IGF2BP2: variants seen among roughly 807,000 people sequenced by gnomAD.
IGF2BP2 encodes insulin-like growth factor 2 mRNA-binding protein 2.
IGF2BP2 carries 17 observed loss-of-function variants against 75.8 expected under a neutral mutation model. That is an observed-to-expected ratio of 0.22 (90% CI 0.15 to 0.34). The LOEUF is 0.34. Ranked by LOEUF, IGF2BP2 falls within the 10% of genes least tolerant of loss-of-function variation. The probability of loss-of-function intolerance (pLI) is 1.00; values close to 1 mark genes in which losing one functional copy is unlikely to be tolerated. For synonymous variants in IGF2BP2, 288 were observed against 295.6 expected, an observed-to-expected ratio of 0.97 and a Z score of 0.26; for missense variants, 516 against 772.4, an observed-to-expected ratio of 0.67 and a Z score of 3.93.
intron 2 of IGF2BP2, among the ~76,000 whole-genome samples, chr3:185,750,241 C>A (rs1251577523): frequency 6.6e-6 from 1 of 152,180 alleles, no homozygotes; most frequent in African/African-American, 2.4e-5. Flanking sequence ...TGGGGAACAT[C>A]CCCTCCAAGG....
At chr3:185,761,652 CT>C (rs1474452505) in intron 2 of IGF2BP2, among the ~76,000 whole-genome samples, 4 of 152,210 alleles carry the variant, frequency 2.6e-5, no homozygotes, top group Admixed American at 1.3e-4. Flanking sequence ...AATTCCTCCC[CT>C]GATAGAGTTC....
At chr3:185,814,254 T>TA (rs1269358609) in intron 2 of IGF2BP2, among the ~76,000 whole-genome samples, 1 of 152,216 alleles carries the variant, frequency 6.6e-6, no homozygotes, top group African/African-American at 2.4e-5. Context: ...TTTTCAGTGT[T>TA]AAACTGCTTT....
chr3:185,751,731 G>T (rs1486375583), intron 2 of IGF2BP2, among the ~76,000 whole-genome samples: 1 of 152,038 alleles, frequency 6.6e-6, no homozygotes, highest in African/African-American at 2.4e-5. Flanking sequence ...TTGGGAGGCC[G>T]AGACGGGCGG....
chr3:185,719,376 T>C (rs1726154585), intron 2 of IGF2BP2, among the ~76,000 whole-genome samples: 1 of 152,238 alleles, frequency 6.6e-6, no homozygotes, highest in Non-Finnish European at 1.5e-5. Flanking sequence ...GCTAACAAGA[T>C]GGCTGTCACT....
chr3:185,673,147 CT>C (rs537345728), intron 9 of IGF2BP2, among the ~76,000 whole-genome samples: 72 of 152,338 alleles, frequency 4.7e-4, no homozygotes, highest in Middle Eastern at 6.8e-3. Context: ...CTCAAATGCC[CT>C]GTCTGTGCTC....
At chr3:185,734,322 G>A (rs578226248) in intron 2 of IGF2BP2, among the ~76,000 whole-genome samples, 1 of 152,310 alleles carries the variant, frequency 6.6e-6, no homozygotes, top group Admixed American at 6.5e-5. Flanking sequence ...CACACTCAGA[G>A]GTGAAGTGAC....
chr3:185,788,287 AG>A (rs1415528012), intron 2 of IGF2BP2, among the ~76,000 whole-genome samples: 2 of 152,126 alleles, frequency 1.3e-5, no homozygotes, highest in African/African-American at 2.4e-5. Context: ...TGGGAGGCCG[AG>A]GTGGGCTGAT....
chr3:185,798,819 T>C (rs1274553742), intron 2 of IGF2BP2, among the ~76,000 whole-genome samples: 2 of 150,794 alleles, frequency 1.3e-5, no homozygotes, highest in Non-Finnish European at 3.0e-5. Flanking sequence ...AGACAGAATC[T>C]TACTCTGTCA....
At chr3:185,699,846 C>T (rs1226695539) in intron 2 of IGF2BP2, among the ~76,000 whole-genome samples, 1 of 152,166 alleles carries the variant, frequency 6.6e-6, no homozygotes, top group African/African-American at 2.4e-5. Context: ...CCCAAGACAT[C>T]CTGCTGGTCT....
intron 10 of IGF2BP2, among the ~76,000 whole-genome samples, chr3:185,662,601 T>C (rs1251671730): frequency 1.4e-5 from 2 of 147,776 alleles, no homozygotes; most frequent in Non-Finnish European, 3.0e-5. Flanking sequence ...TGGAGTGCAG[T>C]GGCATGATCT....
chr3:185,701,367 TA>T (rs558141080), intron 2 of IGF2BP2, among the ~76,000 whole-genome samples: 92 of 117,072 alleles, frequency 7.9e-4, no homozygotes, highest in East Asian at 1.4e-3. Flanking sequence ...ACCTGCTAAG[TA>T]AAAAAAAAAA....
chr3:185,667,476 G>A (rs1039938151), intron 10 of IGF2BP2, among the ~76,000 whole-genome samples: 5 of 152,034 alleles, frequency 3.3e-5, no homozygotes, highest in African/African-American at 7.2e-5. Flanking sequence ...AACATAGCAC[G>A]GTCTCTTAAA....
At chr3:185,758,275 AG>A (rs1261143296) in intron 2 of IGF2BP2, among the ~76,000 whole-genome samples, 1 of 152,224 alleles carries the variant, frequency 6.6e-6, no homozygotes, top group Non-Finnish European at 1.5e-5. Flanking sequence ...ATGCCTGTCA[AG>A]CATCCAAAGT....
chr3:185,812,994 T>C (rs939706641), intron 2 of IGF2BP2, among the ~76,000 whole-genome samples: 2 of 152,206 alleles, frequency 1.3e-5, no homozygotes, highest in East Asian at 1.9e-4. Context: ...ATTATTGAAA[T>C]AGACACAACA....
chr3:185,823,132 A>C, intron 2 of IGF2BP2, 21 bp downstream of exon 2: 1 of 1,562,298 alleles, frequency 6.4e-7, no homozygotes, highest in East Asian at 2.3e-5. Flanking sequence ...GCAAAAAAAA[A>C]ACTAAGCAAA....
At chr3:185,779,922 T>C (rs1329629918) in intron 2 of IGF2BP2, among the ~76,000 whole-genome samples, 3 of 152,214 alleles carry the variant, frequency 2.0e-5, no homozygotes, top group Non-Finnish European at 4.4e-5. Flanking sequence ...GAAATACTTG[T>C]ATATAAGCGT....
At chr3:185,649,294 C>T in intron 14 of IGF2BP2, 109 bp downstream of exon 14, 3 of 1,409,918 alleles carry the variant, frequency 2.1e-6, no homozygotes, top group Admixed American at 2.1e-5. Flanking sequence ...GCCAAAGACC[C>T]TGACTGTACA....
intron 14 of IGF2BP2, among the ~76,000 whole-genome samples, chr3:185,648,571 T>C (rs1055600546): frequency 6.6e-6 from 1 of 151,602 alleles, no homozygotes; most frequent in Non-Finnish European, 1.5e-5. Context: ...GCCAAGTTCC[T>C]GCCACCCAAC....
intron 2 of IGF2BP2, among the ~76,000 whole-genome samples, chr3:185,806,224 A>T (rs1382884291): frequency 6.6e-6 from 1 of 152,228 alleles, no homozygotes; most frequent in African/African-American, 2.4e-5. Flanking sequence ...TTGTGAAAAA[A>T]TATTTCAAGA....
Sources: allele counts gnomAD v4.1 joint callset (sites outside exome capture counted in the v4.1 genomes callset), GRCh38; gene constraint gnomAD v4.1.1; transcripts MANE v1.5; gene names NCBI Gene and HGNC (gene_info 2026-07-23, HGNC 2026-07-21).